The following DPYD variants were observed in gnomAD, a reference collection of about 807,000 sequenced individuals.
DPYD encodes dihydropyrimidine dehydrogenase, also known as dihydropyrimidine dehydrogenase [NADP(+)].
In DPYD, 109 loss-of-function variants were observed where a neutral mutation model predicts 116.2. The ratio of observed to expected loss-of-function variants is 0.94; its 90% CI spans 0.80 to 1.10. The LOEUF (loss-of-function observed/expected upper bound fraction) is 1.10, where lower values mean the gene tolerates loss of function less well. DPYD is among the 50% of genes least tolerant of loss of function. DPYD has a pLI of 0.00. For missense variants in DPYD, 1,302 were observed against 1,254.5 expected, an observed-to-expected ratio of 1.04 and a Z score of -0.57; for synonymous variants, 440 against 432.0, an observed-to-expected ratio of 1.02 and a Z score of -0.23.
At chr1:97,677,084 A>C (rs1660184856) in intron 8 of DPYD, among the ~76,000 whole-genome samples, 1 of 152,202 alleles carries the variant, frequency 6.6e-6, no homozygotes, top group Admixed American at 6.5e-5. Context: ...TATAAAATTA[A>C]ATTAAAAAGC....
At chr1:97,165,971 T>C (rs942054990) in intron 20 of DPYD, among the ~76,000 whole-genome samples, 1 of 152,106 alleles carries the variant, frequency 6.6e-6, no homozygotes. Flanking sequence ...TTATACACTG[T>C]TGGTGTGAGT....
At chr1:97,818,904 A>C (rs1668775444) in intron 3 of DPYD, among the ~76,000 whole-genome samples, 1 of 152,046 alleles carries the variant, frequency 6.6e-6, no homozygotes, top group Non-Finnish European at 1.5e-5. Context: ...AGACATATAC[A>C]TACATTCATA....
intron 2 of DPYD, among the ~76,000 whole-genome samples, chr1:97,829,594 G>A (rs1669422510): frequency 6.6e-6 from 1 of 152,034 alleles, no homozygotes; most frequent in South Asian, 2.1e-4. Context: ...GTTTTTGTGT[G>A]CTGTTTAAGA....
intron 16 of DPYD, among the ~76,000 whole-genome samples, chr1:97,363,688 A>G (rs1217439746): frequency 2.0e-5 from 3 of 152,210 alleles, no homozygotes; most frequent in Non-Finnish European, 4.4e-5. Flanking sequence ...CATTCTGAGC[A>G]AACTAGCACA....
At chr1:97,494,270 C>T (rs1220728682) in intron 13 of DPYD, among the ~76,000 whole-genome samples, 1 of 152,148 alleles carries the variant, frequency 6.6e-6, no homozygotes, top group African/African-American at 2.4e-5. Context: ...GAGCATAGCT[C>T]ACTGCATCCT....
intron 7 of DPYD, among the ~76,000 whole-genome samples, chr1:97,689,496 T>C (rs930401229): frequency 6.6e-6 from 1 of 151,968 alleles, no homozygotes; most frequent in African/African-American, 2.4e-5. Context: ...AAAGAGAAAG[T>C]AGAAGAATAA....
intron 8 of DPYD, among the ~76,000 whole-genome samples, chr1:97,636,316 C>G (rs868446499): frequency 2.0e-5 from 3 of 152,024 alleles, no homozygotes; most frequent in South Asian, 4.1e-4. Flanking sequence ...TTCCCACTTT[C>G]ATTTCCATTT....
At chr1:97,745,301 G>A (rs761996789) in intron 3 of DPYD, among the ~76,000 whole-genome samples, 3 of 152,082 alleles carry the variant, frequency 2.0e-5, no homozygotes, top group Non-Finnish European at 2.9e-5. Flanking sequence ...CACCTGTGAT[G>A]TTCATGTTTT....
intron 5 of DPYD, among the ~76,000 whole-genome samples, chr1:97,719,030 C>G (rs1159838352): frequency 6.6e-6 from 1 of 151,502 alleles, no homozygotes; most frequent in East Asian, 1.9e-4. Context: ...TAGAGTGAGT[C>G]ACAATCACCC....
At chr1:97,310,574 ATG>A (rs1667449570) in intron 16 of DPYD, among the ~76,000 whole-genome samples, 1 of 151,820 alleles carries the variant, frequency 6.6e-6, no homozygotes, top group Non-Finnish European at 1.5e-5. Flanking sequence ...TGCAAAGACT[ATG>A]TGTTGAAATG....
intron 8 of DPYD, among the ~76,000 whole-genome samples, chr1:97,676,141 C>T (rs996005602): frequency 1.3e-5 from 2 of 152,108 alleles, no homozygotes; most frequent in Admixed American, 1.3e-4. Flanking sequence ...TTACTGATCT[C>T]CTGTGTCAAA....
At chr1:97,665,192 T>C (rs1347436508) in intron 8 of DPYD, among the ~76,000 whole-genome samples, 1 of 152,130 alleles carries the variant, frequency 6.6e-6, no homozygotes, top group Non-Finnish European at 1.5e-5. Flanking sequence ...CAAATATTTC[T>C]ACAGTCAACA....
intron 8 of DPYD, among the ~76,000 whole-genome samples, chr1:97,661,990 C>CTTTT (rs374466952): frequency 1.9e-4 from 22 of 116,624 alleles, no homozygotes; most frequent in Admixed American, 2.9e-4. Context: ...TCCAAGTCAA[C>CTTTT]TTTTTTTTTT....
chr1:97,612,216 T>C (rs1287949768), intron 8 of DPYD, among the ~76,000 whole-genome samples: 1 of 151,998 alleles, frequency 6.6e-6, no homozygotes, highest in East Asian at 1.9e-4. Flanking sequence ...CTCTGTGGAG[T>C]TTCATTTCAC....
At chr1:97,614,851 T>C (rs1286978215) in intron 8 of DPYD, among the ~76,000 whole-genome samples, 2 of 152,128 alleles carry the variant, frequency 1.3e-5, no homozygotes, top group African/African-American at 4.8e-5. Context: ...GACTAAAATC[T>C]AGTTAACAGC....
At chr1:97,858,188 G>C (rs1391945839) in intron 2 of DPYD, among the ~76,000 whole-genome samples, 2 of 152,010 alleles carry the variant, frequency 1.3e-5, no homozygotes, top group Non-Finnish European at 2.9e-5. Context: ...GGCTCAAATG[G>C]AAGCTTGATA....
At chr1:97,264,942 T>C (rs1048910199) in intron 18 of DPYD, among the ~76,000 whole-genome samples, 1 of 152,148 alleles carries the variant, frequency 6.6e-6, no homozygotes, top group African/African-American at 2.4e-5. Flanking sequence ...GTCAAAGATA[T>C]GGTTATGAGA....
intron 8 of DPYD, among the ~76,000 whole-genome samples, chr1:97,601,458 A>G (rs1002397198): frequency 2.5e-4 from 38 of 152,052 alleles, no homozygotes; most frequent in Non-Finnish European, 4.4e-4. Context: ...AATCATAAAT[A>G]TATGCATCTA....
At chr1:97,180,430 T>C (rs1299016543) in intron 20 of DPYD, among the ~76,000 whole-genome samples, 1 of 152,142 alleles carries the variant, frequency 6.6e-6, no homozygotes, top group South Asian at 2.1e-4. Flanking sequence ...CTTTACTCCA[T>C]AAAATGAGGA....
Sources: allele counts gnomAD v4.1 joint callset (sites outside exome capture counted in the v4.1 genomes callset), GRCh38; gene constraint gnomAD v4.1.1; transcripts MANE v1.5; gene names NCBI Gene and HGNC (gene_info 2026-07-23, HGNC 2026-07-21).